The following RPGRIP1 variants were observed in gnomAD, a reference collection of about 807,000 sequenced individuals.
RPGRIP1 encodes the protein X-linked retinitis pigmentosa GTPase regulator-interacting protein 1.
In RPGRIP1, 128 loss-of-function variants were observed where a neutral mutation model predicts 157.9. The observed-to-expected ratio is 0.81, with a 90% CI of 0.70 to 0.94. The LOEUF (loss-of-function observed/expected upper bound fraction) is 0.94, where lower values mean the gene tolerates loss of function less well. Among genes scored for constraint, RPGRIP1 ranks in the 40% least tolerant of loss-of-function variants. The probability of loss-of-function intolerance (pLI) is 0.00; values close to 1 mark genes in which losing one functional copy is unlikely to be tolerated. For missense variants in RPGRIP1, 1,486 were observed against 1,545.8 expected (o/e 0.96, Z 0.65); for synonymous variants, 554 against 571.6 (o/e 0.97, Z 0.44).
intron 11 of RPGRIP1, among the ~76,000 whole-genome samples, chr14:21,319,681 G>A (rs78021435): frequency 6.6e-6 from 1 of 152,282 alleles, no homozygotes; most frequent in East Asian, 1.9e-4. Flanking sequence ...TGGAGTGGGG[G>A]TGGAGTTGGT....
chr14:21,326,128 G>T lies in RPGRIP1; in HGVS notation c.2665G>T (p.Ala889Ser), dbSNP rs184926375. 1.3e-6 allele frequency: 2 copies of T among 1,598,578 alleles called. No homozygotes were observed. The highest frequency in any genetic ancestry group is 2.7e-5 in the African/African-American group (2 of 74,488). The change falls in exon 17 of 25, where the codon GCC (alanine) becomes TCC (serine). Residue 889 changes from alanine (A) to serine (S), a missense_variant. By Grantham distance (99) the Ala-to-Ser change is moderately conservative. Coordinates refer to ENST00000400017, the MANE Select transcript of RPGRIP1 (RefSeq NM_020366.4). ...DLEPGSYLGR[A>S]RVPLLPLAKN... ...AGAGCCTGGCTCGTATCTTGGCCGA[G>T]CCCGAGTGCCTTTACTGCCTCTTGC...
At chr14:21,298,083 G>A (rs1013470261) in intron 3 of RPGRIP1, among the ~76,000 whole-genome samples, 2 of 152,040 alleles carry the variant, frequency 1.3e-5, no homozygotes, top group African/African-American at 2.4e-5. Flanking sequence ...TTGGTATTTT[G>A]TGGGTGGCAG....
chr14:21,308,761 A>C lies in RPGRIP1; in HGVS notation c.906+925A>C, dbSNP rs560718758. On this transcript the variant is annotated intron_variant, in intron 7 of 24. Coordinates refer to ENST00000400017, the MANE Select transcript of RPGRIP1 (RefSeq NM_020366.4). The stretch of plus-strand genomic sequence containing the variant: ...CTCCAAAGCAGAGAGGGGAGACCTC[A>C]TGTGCCGGGAAAAGTGGCTGCTTAT... Among the ~76,000 whole-genome samples the C allele has an allele frequency of 1.7e-4, 26 of 152,328 alleles. 2 individuals carry two copies. In the South Asian group the frequency reaches 5.2e-3, roughly 30 times the overall value.
intron 7 of RPGRIP1, among the ~76,000 whole-genome samples, chr14:21,308,592 C>T (rs1398578449): frequency 6.6e-6 from 1 of 152,126 alleles, no homozygotes; most frequent in Admixed American, 6.6e-5. Context: ...TGGAGGAACA[C>T]CAGGGCTCTT....
Position 21,301,198 on chromosome 14 carries a change from CACACAGCCGGTGCA to C in RPGRIP1, c.452_465del (p.His151ProfsTer23). On this transcript the variant is annotated frameshift_variant, in exon 4 of 25. Coordinates refer to ENST00000400017, the MANE Select transcript of RPGRIP1 (RefSeq NM_020366.4). LOFTEE classifies it high-confidence loss of function. ...CGTCCAAGTGGGACACAGACAGCTC[CACACAGCCGGTGCA>C]CCGGTGCCGGAGAAACCCAAGAGGG... is the stretch of plus-strand genomic sequence containing the variant. The C allele has an allele frequency of 6.3e-7, 1 of 1,594,500 alleles. No homozygotes were observed. Among genetic ancestry groups the C allele is most frequent in the Non-Finnish European group, 8.5e-7 (1 of 1,171,484 alleles).
At chr14:21,348,718 T>C (rs1168473044) in intron 24 of RPGRIP1, among the ~76,000 whole-genome samples, 1 of 143,386 alleles carries the variant, frequency 7.0e-6, no homozygotes, top group Non-Finnish European at 1.5e-5. Context: ...CAGGCTGGAG[T>C]GCAGTGGTGT....
intron 20 of RPGRIP1, among the ~76,000 whole-genome samples, chr14:21,331,853 T>C (rs1883827678): frequency 6.6e-6 from 1 of 151,744 alleles, no homozygotes; most frequent in South Asian, 2.1e-4. Flanking sequence ...TAAAGGTAGA[T>C]ATGGAAATAT....
At chr14:21,283,695 C>G (rs931894883) in intron 1 of RPGRIP1, among the ~76,000 whole-genome samples, 1 of 151,538 alleles carries the variant, frequency 6.6e-6, no homozygotes, top group African/African-American at 2.4e-5. Flanking sequence ...CTGCTTTGCC[C>G]AGGCTGGAGT....
chr14:21,306,476 C>T (rs541005301), intron 6 of RPGRIP1, among the ~76,000 whole-genome samples: 5 of 150,366 alleles, frequency 3.3e-5, no homozygotes, highest in African/African-American at 4.9e-5. Context: ...TTTTATTTTC[C>T]GAGACAGAGA....
At chr14:21,298,329 G>A (rs1358368781) in intron 3 of RPGRIP1, among the ~76,000 whole-genome samples, 3 of 151,986 alleles carry the variant, frequency 2.0e-5, no homozygotes, top group South Asian at 2.1e-4. Context: ...GTGAAACCCC[G>A]TCTCTTCTAA....
At chr14:21,323,336 C>A (rs141867857) in intron 14 of RPGRIP1, among the ~76,000 whole-genome samples, 2 of 151,824 alleles carry the variant, frequency 1.3e-5, no homozygotes, top group South Asian at 4.2e-4. Context: ...ACAGGAGAAT[C>A]GCTTGAACCC....
intron 2 of RPGRIP1, among the ~76,000 whole-genome samples, chr14:21,289,283 G>A (rs964900090): frequency 6.6e-6 from 1 of 151,962 alleles, no homozygotes; most frequent in African/African-American, 2.4e-5. Context: ...AGCCGAGATC[G>A]CACCACTGCA....
At chr14:21,300,145 A>T (rs905706415) in intron 3 of RPGRIP1, among the ~76,000 whole-genome samples, 2 of 152,114 alleles carry the variant, frequency 1.3e-5, no homozygotes, top group Non-Finnish European at 2.9e-5. Context: ...AAAATACAAA[A>T]TTAGTATTTT....
rs1429001401 is a variant in RPGRIP1 at position 21,301,066 on chromosome 14, G to A, written c.319G>A (p.Ala107Thr). ...GGAGACCGCAAGGCGCGGGCAGAAGGCGGGATGGCGGCAGCGCCTCTCCAT... is the reference window on the plus strand; with the variant it reads ...GGAGACCGCAAGGCGCGGGCAGAAGACGGGATGGCGGCAGCGCCTCTCCAT... The part of the protein sequence containing the change: ...LSETARRGQK[A>T]GWRQRLSMHQ... The change falls in exon 4 of 25, where the codon GCG (alanine) becomes ACG (threonine). Residue 107 changes from alanine to threonine, a missense_variant. Ala to Thr is a moderately conservative substitution (Grantham distance 58, BLOSUM62 0). Coordinates refer to ENST00000400017, the MANE Select transcript of RPGRIP1 (RefSeq NM_020366.4). 2 of 1,612,602 alleles carry A rather than the reference G, an allele frequency of 1.2e-6. No homozygotes were observed. The highest frequency in any genetic ancestry group is 1.7e-6 in the Non-Finnish European group (2 of 1,179,466).
chr14:21,331,923 T>TTA (rs973430441), intron 20 of RPGRIP1, among the ~76,000 whole-genome samples: 1 of 149,254 alleles, frequency 6.7e-6, no homozygotes, highest in Non-Finnish European at 1.5e-5. Flanking sequence ...TAGAAGCATT[T>TTA]TATATATATA....
At chr14:21,303,001 C>G (rs1420608507) in intron 5 of RPGRIP1, 1 of 246,614 alleles carries the variant, frequency 4.1e-6, no homozygotes, top group Non-Finnish European at 7.9e-6. Context: ...TCCTAAGTAG[C>G]TGGGACTACA....
At chr14:21,299,561 C>A (rs934170232) in intron 3 of RPGRIP1, among the ~76,000 whole-genome samples, 2 of 151,986 alleles carry the variant, frequency 1.3e-5, no homozygotes, top group African/African-American at 4.8e-5. Flanking sequence ...CAGTGTAACC[C>A]CACTGTTCTA....
intron 1 of RPGRIP1, among the ~76,000 whole-genome samples, chr14:21,280,609 A>G (rs899474191): frequency 3.3e-5 from 5 of 152,102 alleles, no homozygotes; most frequent in Non-Finnish European, 7.4e-5. Flanking sequence ...TTACCAAGTC[A>G]TCTTTAATCC....
intron 10 of RPGRIP1, among the ~76,000 whole-genome samples, chr14:21,312,752 G>A (rs891881670): frequency 7.9e-5 from 12 of 151,126 alleles, no homozygotes; most frequent in Non-Finnish European, 1.3e-4. Context: ...GCAGTGGTGC[G>A]ATCTTGGCTC....
Sources: allele counts gnomAD v4.1 joint callset (sites outside exome capture counted in the v4.1 genomes callset), GRCh38; gene constraint gnomAD v4.1.1; transcripts MANE v1.5; gene names NCBI Gene and HGNC (gene_info 2026-07-23, HGNC 2026-07-21).